MRAP: variants seen among roughly 807,000 people sequenced by gnomAD.
MRAP encodes the protein melanocortin-2 receptor accessory protein.
MRAP carries 8 observed loss-of-function variants against 8.7 expected under a neutral mutation model. The observed-to-expected ratio is 0.92, with a 90% confidence interval of 0.54 to 1.66. The LOEUF (loss-of-function observed/expected upper bound fraction) is 1.66. MRAP is among the 40% of genes most tolerant of loss of function. MRAP has a pLI of 0.00. For missense variants in MRAP, 237 were observed against 217.1 expected (o/e 1.09, Z -0.58); for synonymous variants, 95 against 95.5 (o/e 1.00, Z 0.03).
rs138040820 is a variant in MRAP at position 32,298,989 on chromosome 21, C to A, written c.18C>A (p.Asn6Lys). ...CCACAGACATGGCCAACGGGACCAACGCCTCTGCCCCATACTACAGCTATG... is the reference window on the plus strand; with the variant it reads ...CCACAGACATGGCCAACGGGACCAAAGCCTCTGCCCCATACTACAGCTATG... MANGT[N>K]ASAPYYSYEY... Residue 6 changes from asparagine to lysine, a missense_variant, in exon 1 of 3, where the codon AAC (asparagine) becomes AAA (lysine). Coordinates refer to ENST00000303645, the MANE Select transcript of MRAP (RefSeq NM_001379228.1). The A allele has an allele frequency of 5.7e-4, 921 of 1,613,882 alleles. 1 individual carries two copies. The highest frequency in any genetic ancestry group is 7.0e-4 in the Non-Finnish European group (823 of 1,179,858).
intron 2 of MRAP, among the ~76,000 whole-genome samples, chr21:32,293,342 T>A (rs1018494385): frequency 3.4e-5 from 5 of 148,350 alleles, no homozygotes; most frequent in Non-Finnish European, 7.5e-5. Context: ...AAAAAAAAAA[T>A]AGAAATTGAC....
Position 32,311,971 on chromosome 21 carries a change from A to G in MRAP, c.494A>G (p.Asp165Gly), listed in dbSNP as rs1442710999. The G allele has an allele frequency of 1.2e-6, 2 of 1,613,256 alleles. No individual in the cohort carries two copies. The highest frequency in any genetic ancestry group is 2.7e-5 in the African/African-American group (2 of 74,928). The change falls in exon 3 of 3, where the codon GAC becomes GGC. Residue 165 changes from aspartate to glycine, a missense_variant. By Grantham distance (94) the Asp-to-Gly change is moderately conservative. Transcript: ENST00000303645. ...AAGCCCAGCGAGCCTCCCCCTGGAG[A>G]CAGGACCTCTCAATTGCAGAGCTGA... The part of the protein sequence containing the change: ...RSKPSEPPPG[D>G]RTSQLQS
At chr21:32,308,037 A>G (rs2032461459) in intron 2 of MRAP, among the ~76,000 whole-genome samples, 1 of 152,178 alleles carries the variant, frequency 6.6e-6, no homozygotes, top group Non-Finnish European at 1.5e-5. Flanking sequence ...ACTTGACACC[A>G]TGGGCATTAA....
upstream of MRAP, among the ~76,000 whole-genome samples, chr21:32,298,661 T>C (rs1007855279): frequency 1.3e-5 from 2 of 152,204 alleles, no homozygotes; most frequent in Admixed American, 1.3e-4. Context: ...CTCCCTGTCC[T>C]CACACAGAGA....
chr21:32,298,325 G>T (rs1414820565), upstream of MRAP, among the ~76,000 whole-genome samples: 2 of 152,110 alleles, frequency 1.3e-5, no homozygotes, highest in African/African-American at 4.8e-5. Flanking sequence ...GTTGGTTCTT[G>T]GGGGGCTTAG....
At chr21:32,306,154 G>A (rs2032410283) in intron 1 of MRAP, among the ~76,000 whole-genome samples, 1 of 152,188 alleles carries the variant, frequency 6.6e-6, no homozygotes, top group Admixed American at 6.5e-5. Context: ...GAGCGCTGTA[G>A]CCCAGCGCAC....
chr21:32,302,552 A>T lies in MRAP; in HGVS notation c.106+3475A>T, dbSNP rs149723451. Reference sequence around the variant, plus strand: ...CAGAGTACCAGATAAAACAGAAGTTAGTTTATCTCAGTCTACAGGACTGGG... The same window carrying T: ...CAGAGTACCAGATAAAACAGAAGTTTGTTTATCTCAGTCTACAGGACTGGG... On this transcript the variant is annotated intron_variant, in intron 1 of 2. Coordinates refer to ENST00000303645, the MANE Select transcript of MRAP (RefSeq NM_001379228.1). Among the ~76,000 whole-genome samples, 131 of 152,340 alleles carry T rather than the reference A, an allele frequency of 8.6e-4. No homozygotes were observed. The Middle Eastern group carries it at 0.01, about 12-fold the overall frequency.
Position 32,312,180 on chromosome 21 carries a change from G to T in MRAP, c.*184G>T. 2.7e-6 allele frequency: 4 copies of T among 1,504,116 alleles called. No individual in the cohort carries two copies. The highest frequency in any genetic ancestry group is 3.5e-6 in the Non-Finnish European group (4 of 1,130,044). 93.2% of individuals were successfully genotyped at this position (1,504,116 alleles called of 1,614,324 possible). On this transcript the variant is annotated 3_prime_UTR_variant, in exon 3 of 3. Transcript: ENST00000303645. Reference sequence around the variant, plus strand: ...TTGCAGTGGCCCCTCGAGTGCAGAGGTCATCCCAGGTGTTGCTGAGTTTAT... The same window carrying T: ...TTGCAGTGGCCCCTCGAGTGCAGAGTTCATCCCAGGTGTTGCTGAGTTTAT...
chr21:32,294,961 T>C (rs997019542), upstream of MRAP, among the ~76,000 whole-genome samples: 2 of 152,074 alleles, frequency 1.3e-5, no homozygotes, highest in Non-Finnish European at 2.9e-5. Context: ...AAAACATTTA[T>C]GATAGTATCA....
intron 1 of MRAP, chr21:32,306,419 C>G (rs1298728262): frequency 2.0e-5 from 12 of 601,356 alleles, no homozygotes; most frequent in East Asian, 9.3e-5. Flanking sequence ...AAACAGACCC[C>G]GTGGCCAGCT....
intron 1 of MRAP, among the ~76,000 whole-genome samples, chr21:32,300,900 G>T (rs913100434): frequency 1.3e-5 from 2 of 151,808 alleles, no homozygotes; most frequent in Non-Finnish European, 2.9e-5. Context: ...TCCTATGTCG[G>T]GGCGTCATGT....
downstream of MRAP, chr21:32,313,518 C>T (rs1266374916): frequency 1.3e-5 from 2 of 152,208 alleles, no homozygotes; most frequent in African/African-American, 2.4e-5. Context: ...GGTAACTGAT[C>T]CTTGCTTTGT....
At chr21:32,300,399 T>TGTCGGATGCATCACGCGTCCTGC (rs2032233993) in intron 1 of MRAP, among the ~76,000 whole-genome samples, 2 of 151,368 alleles carry the variant, frequency 1.3e-5, no homozygotes, top group African/African-American at 2.4e-5. Flanking sequence ...ACGCATCCTA[T>TGTCGGATGCATCACGCGTCCTGC]GTCGGATGCA....
intron 1 of MRAP, among the ~76,000 whole-genome samples, chr21:32,302,645 G>A (rs1054949543): frequency 1.3e-5 from 2 of 152,150 alleles, no homozygotes; most frequent in Non-Finnish European, 2.9e-5. Context: ...TACCATCCCT[G>A]GGACATGGCT....
In MRAP at chr21:32,311,882, T is replaced by A; in HGVS notation, c.405T>A (p.Gly135=). 1.9e-6 allele frequency: 3 copies of A among 1,613,558 alleles called. No homozygotes were observed. Among genetic ancestry groups the A allele is most frequent in the Non-Finnish European group, 2.5e-6 (3 of 1,179,910 alleles). The change falls in exon 3 of 3, where the codon GGT becomes GGA. Residue 135 remains glycine (G), a synonymous_variant. Coordinates refer to ENST00000303645, the MANE Select transcript of MRAP (RefSeq NM_001379228.1). ...GCTCCTCCACCTTGCCCCTCGGGGGTTTCCAGACCCACCCCACTCTCCTCT... is the reference window on the plus strand; with the variant it reads ...GCTCCTCCACCTTGCCCCTCGGGGGATTCCAGACCCACCCCACTCTCCTCT... The part of the protein sequence containing the change: ...QESSSTLPLG[G]FQTHPTLLWE...
At chr21:32,292,076 A>T (rs1388246393) in intron 1 of MRAP, among the ~76,000 whole-genome samples, 2 of 152,292 alleles carry the variant, frequency 1.3e-5, no homozygotes, top group Non-Finnish European at 1.5e-5. Flanking sequence ...GAGACAAATA[A>T]GGAAAATGTG....
intron 1 of MRAP, among the ~76,000 whole-genome samples, chr21:32,300,652 G>C (rs1014053312): frequency 6.5e-5 from 9 of 138,212 alleles, no homozygotes; most frequent in African/African-American, 2.4e-4. Flanking sequence ...CCTATGCCGG[G>C]GGCGTCACAC....
chr21:32,314,692 C>T (rs761560231), downstream of MRAP: 19 of 1,588,286 alleles, frequency 1.2e-5, no homozygotes, highest in African/African-American at 2.3e-4. Flanking sequence ...GAAGTCCCCA[C>T]ATTCCTTGCA....
At chr21:32,306,459 C>T in intron 1 of MRAP, 181 bp from the exon 2 acceptor site, 2 of 669,442 alleles carry the variant, frequency 3.0e-6, no homozygotes, top group South Asian at 1.6e-5. Flanking sequence ...TTCTTGGCTC[C>T]CCTGTTCTTT....
Sources: gnomAD v4.1 joint callset for allele counts (sites outside exome capture counted in the v4.1 genomes callset) on GRCh38, gnomAD v4.1.1 for gene constraint, MANE v1.5 for transcripts, NCBI Gene and HGNC (gene_info 2026-07-23, HGNC 2026-07-21) for gene names.